KIF9: variants seen among roughly 807,000 people sequenced by gnomAD.
KIF9 encodes the protein kinesin-like protein KIF9.
In KIF9, 68 loss-of-function variants were observed where a neutral mutation model predicts 94.8. The ratio of observed to expected loss-of-function variants is 0.72; its 90% confidence interval spans 0.59 to 0.88. KIF9 has a LOEUF of 0.88. Ranked by LOEUF, KIF9 falls within the 40% of genes least tolerant of loss-of-function variation. KIF9 has a pLI of 0.00. For missense variants in KIF9, 882 were observed against 982.5 expected, an observed-to-expected ratio of 0.90 and a Z score of 1.37; for synonymous variants, 343 against 362.1, an observed-to-expected ratio of 0.95 and a Z score of 0.60.
intron 4 of KIF9, among the ~76,000 whole-genome samples, chr3:47,272,174 G>T (rs1295728393): frequency 1.3e-5 from 2 of 151,936 alleles, no homozygotes; most frequent in Non-Finnish European, 2.9e-5. Context: ...AGCTAGTAAG[G>T]GTAGAAGTAA....
In KIF9 at chr3:47,282,660, T is replaced by G. The variant is rs1576117286; in HGVS notation, c.-171A>C. The G allele has an allele frequency of 2.4e-6, 3 of 1,238,972 alleles. No homozygotes were observed. Among genetic ancestry groups the G allele is most frequent in the Non-Finnish European group, 3.1e-6 (3 of 979,438 alleles). The allele number at this position is 1,238,972 out of a possible 1,614,324, so 76.7% of individuals were successfully genotyped here. ...CGGAAATGAAGTCCGAGGTCCTACG[T>G]CGAGGATACGGGTGAGGTCATGGCC... On this transcript the variant is annotated 5_prime_UTR_variant, in exon 1 of 21. Coordinates refer to ENST00000684063, the MANE Select transcript of KIF9 (RefSeq NM_182902.4).
chr3:47,242,943 C>T, intron 16 of KIF9, 108 bp downstream of exon 16: 1 of 926,900 alleles, frequency 1.1e-6, no homozygotes, highest in South Asian at 2.0e-5. Flanking sequence ...TAGTCTTTGC[C>T]TATTATTTCT....
chr3:47,241,884 A>ATT (rs199875749), intron 16 of KIF9, among the ~76,000 whole-genome samples: 1,474 of 114,262 alleles, frequency 0.013, 68 homozygotes, highest in African/African-American at 0.049. Flanking sequence ...ATATATATAT[A>ATT]TTTTTTTTTT....
intron 10 of KIF9, among the ~76,000 whole-genome samples, chr3:47,256,401 C>T (rs970350944): frequency 4.0e-5 from 6 of 149,520 alleles, no homozygotes; most frequent in Non-Finnish European, 5.9e-5. Context: ...GGAGCCCCTC[C>T]GCCCGGCAGC....
intron 9 of KIF9, among the ~76,000 whole-genome samples, chr3:47,258,243 T>C (rs2107359754): frequency 6.6e-6 from 1 of 151,256 alleles, no homozygotes; most frequent in East Asian, 1.9e-4. Flanking sequence ...TGGGGTTTTG[T>C]TTGTTTTGTT....
chr3:47,264,449 T>G, intron 8 of KIF9, 99 bp from the exon 9 acceptor site: 1 of 942,424 alleles, frequency 1.1e-6, no homozygotes, highest in Non-Finnish European at 1.7e-6. Context: ...TTTTATTTGT[T>G]TTTTTGAAAC....
intron 20 of KIF9, among the ~76,000 whole-genome samples, chr3:47,232,875 A>G (rs1362952783): frequency 1.3e-5 from 2 of 150,688 alleles, no homozygotes; most frequent in African/African-American, 4.9e-5. Flanking sequence ...CCAGCTACTC[A>G]GGAGGCTGAG....
chr3:47,228,771 G>T, intron 20 of KIF9, 69 bp from the exon 21 acceptor site: 2 of 1,240,716 alleles, frequency 1.6e-6, no homozygotes, highest in Non-Finnish European at 2.4e-6. Context: ...CTCAGACCAG[G>T]CCACTCACAT....
intron 16 of KIF9, among the ~76,000 whole-genome samples, chr3:47,241,865 C>CACACAT (rs1253041774): frequency 2.7e-5 from 3 of 109,382 alleles, no homozygotes; most frequent in African/African-American, 8.1e-5. Flanking sequence ...TATATATACA[C>CACACAT]ATATATATAT....
chr3:47,273,042 GTCTTA>G (rs1282076867), intron 4 of KIF9, among the ~76,000 whole-genome samples: 3 of 152,166 alleles, frequency 2.0e-5, no homozygotes, highest in Admixed American at 2.0e-4. Context: ...AGGCCCTTCT[GTCTTA>G]TCTTCAGTTA....
At chr3:47,268,596 T>C (rs1701440222) in intron 5 of KIF9, among the ~76,000 whole-genome samples, 1 of 151,448 alleles carries the variant, frequency 6.6e-6, no homozygotes, top group Non-Finnish European at 1.5e-5. Flanking sequence ...TTTTTTTTTT[T>C]TTTTTGAGAT....
At chr3:47,257,171 T>A (rs1418966057) in intron 10 of KIF9, among the ~76,000 whole-genome samples, 1 of 151,794 alleles carries the variant, frequency 6.6e-6, no homozygotes, top group Admixed American at 6.6e-5. Flanking sequence ...TTAAAAAAAA[T>A]TATTGACTGG....
At chr3:47,236,380 C>A (rs1559420452) in intron 18 of KIF9, 63 bp downstream of exon 18, 1 of 1,554,992 alleles carries the variant, frequency 6.4e-7, no homozygotes, top group East Asian at 2.2e-5. Flanking sequence ...AGAACTCAGG[C>A]TGTGGCCTCT....
At chr3:47,230,394 A>C (rs1698473225) in intron 20 of KIF9, among the ~76,000 whole-genome samples, 1 of 152,118 alleles carries the variant, frequency 6.6e-6, no homozygotes, top group Non-Finnish European at 1.5e-5. Context: ...CCTGAGCAAC[A>C]TAGGGAGACC....
At chr3:47,235,422 C>T (rs757402606) in intron 20 of KIF9, 91 bp downstream of exon 20, 1 of 895,454 alleles carries the variant, frequency 1.1e-6, no homozygotes, top group Non-Finnish European at 1.8e-6. Context: ...GGTGCCATTC[C>T]TCCCCTACCT....
At chr3:47,233,710 GAAAA>G (rs201093977) in intron 20 of KIF9, among the ~76,000 whole-genome samples, 1 of 144,866 alleles carries the variant, frequency 6.9e-6, no homozygotes, top group Admixed American at 6.8e-5. Flanking sequence ...GAAAAGAAAA[GAAAA>G]AAAAAAGACA....
intron 5 of KIF9, among the ~76,000 whole-genome samples, chr3:47,270,115 G>A (rs571118440): frequency 2.6e-5 from 4 of 151,954 alleles, no homozygotes; most frequent in South Asian, 2.1e-4. Context: ...TGTTGGCTAA[G>A]CTGGTCTCGA....
chr3:47,260,208 C>A (rs2107380766), intron 9 of KIF9, among the ~76,000 whole-genome samples: 1 of 134,416 alleles, frequency 7.4e-6, no homozygotes, highest in African/African-American at 2.8e-5. Flanking sequence ...GCACTTAATC[C>A]TTTACATTGT....
chr3:47,249,307 G>A (rs141531713), intron 10 of KIF9, among the ~76,000 whole-genome samples: 11,581 of 151,932 alleles, frequency 0.076, 623 homozygotes, highest in Non-Finnish European at 0.11. Flanking sequence ...CACCACGCCC[G>A]GCTAATTTTT....
Sources: allele counts gnomAD v4.1 joint callset (sites outside exome capture counted in the v4.1 genomes callset), GRCh38; gene constraint gnomAD v4.1.1; transcripts MANE v1.5; gene names NCBI Gene and HGNC (gene_info 2026-07-23, HGNC 2026-07-21).